IL1RAPL2: variants seen among roughly 807,000 people sequenced by gnomAD.
IL1RAPL2 encodes the protein X-linked interleukin-1 receptor accessory protein-like 2.
In IL1RAPL2, 3 loss-of-function variants were observed where a neutral mutation model predicts 44.1. That is an observed-to-expected ratio of 0.07 (90% CI 0.03 to 0.18). IL1RAPL2 has a LOEUF of 0.18. Among genes scored for constraint, IL1RAPL2 ranks in the 10% least tolerant of loss-of-function variants. The probability of loss-of-function intolerance (pLI) is 1.00; values close to 1 mark genes in which losing one functional copy is unlikely to be tolerated. For synonymous variants in IL1RAPL2, 181 were observed against 178.8 expected, an observed-to-expected ratio of 1.01 and a Z score of -0.10; for missense variants, 391 against 496.4, an observed-to-expected ratio of 0.79 and a Z score of 2.02.
In IL1RAPL2 at chrX:105,409,016, G is replaced by C. The variant is rs529668963; in HGVS notation, c.698-75297G>C. 1.4e-4 allele frequency among the ~76,000 whole-genome samples: 16 copies of C among 111,552 alleles called. No homozygotes were observed. In the South Asian group the frequency reaches 6.0e-3, roughly 42 times the overall value. ...AAATGCAGTGTTACAATAGATCATT[G>C]TAAGTTATAGCCAATATCAAAATTT... On this transcript the variant is annotated intron_variant, in intron 5 of 10. Transcript: ENST00000372582.
At chrX:105,289,590 A>G (rs1056095994) in intron 5 of IL1RAPL2, among the ~76,000 whole-genome samples, 19 of 112,025 alleles carry the variant, frequency 1.7e-4, no homozygotes, top group Middle Eastern at 4.6e-3. Flanking sequence ...GGGTACTAGA[A>G]TAAGTAATAA....
intron 5 of IL1RAPL2, among the ~76,000 whole-genome samples, chrX:105,287,296 T>C (rs1191134026): frequency 9.0e-6 from 1 of 111,368 alleles, no homozygotes; most frequent in Non-Finnish European, 1.9e-5. Flanking sequence ...AGGGTCAGCA[T>C]GTGCAAGCGT....
chrX:105,344,496 A>G (rs2035095300), intron 5 of IL1RAPL2, among the ~76,000 whole-genome samples: 1 of 111,734 alleles, frequency 8.9e-6, no homozygotes, highest in African/African-American at 3.3e-5. Flanking sequence ...CTGGTATATA[A>G]TAAACACCCC....
In IL1RAPL2 at chrX:105,522,605, G is replaced by T. The variant is rs558473916; in HGVS notation, c.772+38218G>T. Among the ~76,000 whole-genome samples, 12 of 112,049 alleles carry T rather than the reference G, an allele frequency of 1.1e-4. 1 individual carries two copies. The South Asian group carries it at 4.4e-3, about 41-fold the overall frequency. Reference sequence around the variant, plus strand: ...GTCTAGTTCAGTGGTTCTAAATTTTGGCTACACATTATAATCAATGGGGAG... The same window carrying T: ...GTCTAGTTCAGTGGTTCTAAATTTTTGCTACACATTATAATCAATGGGGAG... On this transcript the variant is annotated intron_variant, in intron 6 of 10. Coordinates refer to ENST00000372582, the MANE Select transcript of IL1RAPL2 (RefSeq NM_017416.2).
rs1410398823 is a variant in IL1RAPL2 at position 105,116,023 on chromosome X, C to A, written c.83-79452C>A. On this transcript the variant is annotated intron_variant, in intron 2 of 10. Coordinates refer to ENST00000372582, the MANE Select transcript of IL1RAPL2 (RefSeq NM_017416.2). ...TCTGAGTGCGGGGCCGCTGAGCCCA[C>A]GCCCACCCAGAACTTGCGCTGGCCT... 8.8e-5 allele frequency among the ~76,000 whole-genome samples: 10 copies of A among 113,303 alleles called. No homozygotes were observed. In the East Asian group the frequency reaches 2.8e-3, roughly 32 times the overall value.
chrX:105,461,941 G>A (rs945312133), intron 5 of IL1RAPL2, among the ~76,000 whole-genome samples: 3 of 110,883 alleles, frequency 2.7e-5, no homozygotes, highest in Non-Finnish European at 3.8e-5. Context: ...ATAGTGCATA[G>A]GAATGAAGCA....
intron 2 of IL1RAPL2, among the ~76,000 whole-genome samples, chrX:104,970,540 C>T (rs929461029): frequency 9.0e-6 from 1 of 111,621 alleles, no homozygotes; most frequent in Admixed American, 9.5e-5. Flanking sequence ...TATACAGATG[C>T]TTCTAGAAAA....
chrX:104,897,147 G>A (rs147468869), intron 2 of IL1RAPL2, among the ~76,000 whole-genome samples: 1,743 of 111,978 alleles, frequency 0.016, 25 homozygotes, highest in Non-Finnish European at 0.026. Context: ...AGATGACTAG[G>A]CTCAGCTGGT....
intron 1 of IL1RAPL2, among the ~76,000 whole-genome samples, chrX:104,649,486 C>A (rs1173025513): frequency 1.8e-5 from 2 of 111,179 alleles, no homozygotes; most frequent in Non-Finnish European, 3.8e-5. Flanking sequence ...ACCTCAGGGC[C>A]ATCTCTATGT....
chrX:105,389,088 C>T (rs890617747), intron 5 of IL1RAPL2, among the ~76,000 whole-genome samples: 5 of 111,924 alleles, frequency 4.5e-5, no homozygotes, highest in Non-Finnish European at 9.4e-5. Context: ...TGTCTTCCCA[C>T]TTCATTCCTA....
intron 5 of IL1RAPL2, among the ~76,000 whole-genome samples, chrX:105,315,578 GTATATATA>G (rs771525814): frequency 1.4e-3 from 30 of 21,821 alleles, no homozygotes; most frequent in South Asian, 8.1e-3. Flanking sequence ...ACTAATGGAT[GTATATATA>G]TATATATATA....
At chrX:105,012,693 TAATAA>T (rs2031085571) in intron 2 of IL1RAPL2, among the ~76,000 whole-genome samples, 2 of 45,618 alleles carry the variant, frequency 4.4e-5, no homozygotes, top group Non-Finnish European at 8.4e-5. Context: ...AGAGAGAGAA[TAATAA>T]AATGCAAAAT....
chrX:105,597,191 G>T (rs1236697942), intron 6 of IL1RAPL2, among the ~76,000 whole-genome samples: 1 of 111,755 alleles, frequency 8.9e-6, no homozygotes, highest in Non-Finnish European at 1.9e-5. Flanking sequence ...ACATAAAAAT[G>T]GGCAGTGTAC....
chrX:105,061,486 T>C (rs191051873), intron 2 of IL1RAPL2, among the ~76,000 whole-genome samples: 97 of 112,197 alleles, frequency 8.6e-4, no homozygotes, highest in Non-Finnish European at 1.5e-3. Flanking sequence ...GAATGATCCA[T>C]GTGCTAAGGA....
chrX:104,988,420 A>C (rs1402152658), intron 2 of IL1RAPL2, among the ~76,000 whole-genome samples: 1 of 112,329 alleles, frequency 8.9e-6, no homozygotes, highest in Admixed American at 9.4e-5. Context: ...GTTTCTATGC[A>C]TCTTAATAGA....
At chrX:105,315,609 T>TATATA (rs1216258132) in intron 5 of IL1RAPL2, among the ~76,000 whole-genome samples, 66 of 69,794 alleles carry the variant, frequency 9.5e-4, no homozygotes, top group Non-Finnish European at 1.7e-3. Context: ...TATGGTTTTA[T>TATATA]TAAGTATTAA....
intron 2 of IL1RAPL2, among the ~76,000 whole-genome samples, chrX:104,996,296 GC>G (rs896578675): frequency 4.5e-5 from 5 of 111,739 alleles, no homozygotes; most frequent in Admixed American, 9.5e-5. Flanking sequence ...ATGAACCTTT[GC>G]CCTCATGAGA....
At chrX:105,391,126 G>A (rs185874461) in intron 5 of IL1RAPL2, among the ~76,000 whole-genome samples, 42 of 111,578 alleles carry the variant, frequency 3.8e-4, no homozygotes, top group Admixed American at 3.1e-3. Context: ...TATTTTGTTC[G>A]TTTATTTCAG....
intron 5 of IL1RAPL2, among the ~76,000 whole-genome samples, chrX:105,342,165 G>A (rs1426905784): frequency 1.2e-5 from 1 of 86,921 alleles, no homozygotes; most frequent in African/African-American, 4.2e-5. Flanking sequence ...GTTGTGGGGT[G>A]GGGGGAGGGG....
Sources: gnomAD v4.1 joint callset for allele counts (sites outside exome capture counted in the v4.1 genomes callset) on GRCh38, gnomAD v4.1.1 for gene constraint, MANE v1.5 for transcripts, NCBI Gene and HGNC (gene_info 2026-07-23, HGNC 2026-07-21) for gene names.